Variants in CALN1 observed in about 807,000 individuals in gnomAD.
CALN1 encodes calneuron 1.
Under a neutral mutation model 30.6 loss-of-function variants are expected in CALN1, and 17 were observed. The ratio of observed to expected loss-of-function variants is 0.56; its 90% CI spans 0.38 to 0.83. The LOEUF (loss-of-function observed/expected upper bound fraction) is 0.83. Among genes scored for constraint, CALN1 ranks in the 40% least tolerant of loss-of-function variants. CALN1 has a pLI of 0.00. For synonymous variants in CALN1, 156 were observed against 131.4 expected, an observed-to-expected ratio of 1.19 and a Z score of -1.28; for missense variants, 291 against 354.9, an observed-to-expected ratio of 0.82 and a Z score of 1.45.
intron 3 of CALN1, among the ~76,000 whole-genome samples, chr7:72,261,600 C>G (rs137892180): frequency 6.6e-6 from 1 of 151,988 alleles, no homozygotes; most frequent in Non-Finnish European, 1.5e-5. Context: ...ACTTTTTCAA[C>G]GATTTTCTGT....
intron 3 of CALN1, among the ~76,000 whole-genome samples, chr7:72,204,145 C>T (rs1172523694): frequency 6.7e-6 from 1 of 149,432 alleles, no homozygotes; most frequent in Non-Finnish European, 1.5e-5. Flanking sequence ...CCTGTCACCA[C>T]ACCTGGCTAA....
chr7:71,824,697 AAGAC>A (rs1163584730), intron 5 of CALN1, among the ~76,000 whole-genome samples: 1 of 152,150 alleles, frequency 6.6e-6, no homozygotes, highest in Non-Finnish European at 1.5e-5. Context: ...TCTGGAGAAA[AAGAC>A]AGGCGGAATA....
At chr7:72,311,607 G>A (rs1800053924) in intron 2 of CALN1, among the ~76,000 whole-genome samples, 1 of 148,878 alleles carries the variant, frequency 6.7e-6, no homozygotes, top group African/African-American at 2.5e-5. Context: ...AGCCTCCCAA[G>A]TAGCTGGGAC....
Position 72,423,826 on chromosome 7 carries a change from A to G in CALN1, c.-225-11551T>C, listed in dbSNP as rs552851388. On this transcript the variant is annotated intron_variant, in intron 1 of 6. Transcript: ENST00000395276. ...AGCAAGACCTTGTCTCAAAAAAAAA[A>G]GAGAGAGAGACAAAGAAATAAAGAA... 6.6e-5 allele frequency among the ~76,000 whole-genome samples: 10 copies of G among 150,724 alleles called. No individual in the cohort carries two copies. In the East Asian group the frequency reaches 1.9e-3, roughly 29 times the overall value.
Position 72,411,633 on chromosome 7 carries a change from G to A in CALN1, c.-74+425C>T, listed in dbSNP as rs115130125. ...CGGCTAAGTAATCAGCTCCATGGGAGGAAATACGAAAAGTCTTGTCAGGCC... is the reference window on the plus strand; with the variant it reads ...CGGCTAAGTAATCAGCTCCATGGGAAGAAATACGAAAAGTCTTGTCAGGCC... On this transcript the variant is annotated intron_variant, in intron 1 of 6. Coordinates refer to ENST00000395275, the MANE Select transcript of CALN1 (RefSeq NM_031468.4). Among the ~76,000 whole-genome samples, 431 of 152,268 alleles carry A rather than the reference G, an allele frequency of 2.8e-3. 2 individuals carry two copies. Among genetic ancestry groups the A allele is most frequent in the African/African-American group, 0.01 (422 of 41,554 alleles).
chr7:72,249,959 AAGAG>A (rs1554337553), intron 3 of CALN1, among the ~76,000 whole-genome samples: 254 of 147,706 alleles, frequency 1.7e-3, no homozygotes, highest in African/African-American at 5.5e-3. Flanking sequence ...AAAAAAAAAA[AAGAG>A]AGAGAGAGAG....
In CALN1 at chr7:72,351,385, T is replaced by C. The variant is rs150260789; in HGVS notation, c.119+51866A>G. Among the ~76,000 whole-genome samples, 498 of 152,138 alleles carry C rather than the reference T, an allele frequency of 3.3e-3. 9 individuals carry two copies. The highest frequency in any genetic ancestry group is 0.027 in the Admixed American group (410 of 15,288). The stretch of plus-strand genomic sequence containing the variant: ...GGCTGAAGTAAATGACAACAGAAAC[T>C]TAGGAATGATAAGTCCTGGGAATGG... On this transcript the variant is annotated intron_variant, in intron 2 of 6. Transcript: ENST00000395275.
chr7:72,234,177 C>A (rs1426166046), intron 3 of CALN1, among the ~76,000 whole-genome samples: 2 of 152,128 alleles, frequency 1.3e-5, no homozygotes, highest in Non-Finnish European at 2.9e-5. Context: ...AGGCAGTTTG[C>A]AGGTAATTAC....
chr7:72,307,355 G>C (rs1799724784), intron 2 of CALN1, among the ~76,000 whole-genome samples: 1 of 152,202 alleles, frequency 6.6e-6, no homozygotes, highest in African/African-American at 2.4e-5. Flanking sequence ...AGAGGACAAA[G>C]ATTGCATTAT....
At chr7:71,963,398 T>C (rs1344300253) in intron 5 of CALN1, among the ~76,000 whole-genome samples, 1 of 152,106 alleles carries the variant, frequency 6.6e-6, no homozygotes, top group Non-Finnish European at 1.5e-5. Context: ...CCTTACCTCG[T>C]GATCCACCTG....
chr7:72,161,776 C>T (rs889751074), intron 3 of CALN1, among the ~76,000 whole-genome samples: 4 of 151,234 alleles, frequency 2.6e-5, no homozygotes, highest in East Asian at 2.0e-4. Flanking sequence ...GGGGCAGTGG[C>T]GGGTGGGAAG....
In CALN1 at chr7:72,319,642, AAGTC is replaced by A. The variant is rs555414300; in HGVS notation, c.120-40836_120-40833del. Reference sequence around the variant, plus strand: ...GGAGGCCATTATCTGTAAGTGAAATAAGTCAGAATACTATTTGGTTTCCAAGCTA... The same window carrying A: ...GGAGGCCATTATCTGTAAGTGAAATAAGAATACTATTTGGTTTCCAAGCTA... On this transcript the variant is annotated intron_variant, in intron 2 of 6. Coordinates refer to ENST00000395275, the MANE Select transcript of CALN1 (RefSeq NM_031468.4). Among the ~76,000 whole-genome samples the A allele has an allele frequency of 2.8e-3, 421 of 152,300 alleles. 2 individuals carry two copies. Among genetic ancestry groups the A allele is most frequent in the Non-Finnish European group, 3.8e-3 (260 of 68,040 alleles).
chr7:71,995,025 T>C (rs1242660501), intron 5 of CALN1, among the ~76,000 whole-genome samples: 1 of 152,110 alleles, frequency 6.6e-6, no homozygotes, highest in Non-Finnish European at 1.5e-5. Flanking sequence ...GCTAATTTTT[T>C]ATATTTTCAG....
chr7:72,183,835 T>C (rs992665002), intron 3 of CALN1, among the ~76,000 whole-genome samples: 3 of 152,112 alleles, frequency 2.0e-5, no homozygotes, highest in Non-Finnish European at 2.9e-5. Context: ...GTCCTTAGCA[T>C]CAAAGATGAG....
chr7:72,297,684 C>T (rs906106783), intron 2 of CALN1, among the ~76,000 whole-genome samples: 1 of 152,068 alleles, frequency 6.6e-6, no homozygotes, highest in Non-Finnish European at 1.5e-5. Context: ...TCTGCCATAA[C>T]CAAAAATACA....
At chr7:72,101,715 C>T (rs575953206) in intron 4 of CALN1, among the ~76,000 whole-genome samples, 2 of 152,172 alleles carry the variant, frequency 1.3e-5, no homozygotes, top group African/African-American at 2.4e-5. Context: ...AACTGGCCTG[C>T]AGGCCAAGCA....
At chr7:72,307,574 C>CTA (rs1214978209) in intron 2 of CALN1, among the ~76,000 whole-genome samples, 2 of 152,196 alleles carry the variant, frequency 1.3e-5, no homozygotes, top group African/African-American at 4.8e-5. Flanking sequence ...TGCAGAATAG[C>CTA]TATGATATGA....
intron 2 of CALN1, among the ~76,000 whole-genome samples, chr7:72,296,772 G>GC (rs1798895439): frequency 2.0e-5 from 3 of 150,604 alleles, no homozygotes; most frequent in Non-Finnish European, 3.0e-5. Flanking sequence ...AGTCTTGCTA[G>GC]CGGTCTATCA....
chr7:72,158,846 AT>A (rs1787904097), intron 3 of CALN1, among the ~76,000 whole-genome samples: 1 of 151,696 alleles, frequency 6.6e-6, no homozygotes, highest in Non-Finnish European at 1.5e-5. Flanking sequence ...TGTGAGATTT[AT>A]TTATTTATTT....
Sources: allele counts gnomAD v4.1 joint callset (sites outside exome capture counted in the v4.1 genomes callset), GRCh38; gene constraint gnomAD v4.1.1; transcripts MANE v1.5; gene names NCBI Gene and HGNC (gene_info 2026-07-23, HGNC 2026-07-21).